SWT1: variants seen among roughly 807,000 people sequenced by gnomAD.
The protein encoded by SWT1 is transcriptional protein SWT1.
SWT1 carries 33 observed loss-of-function variants against 107.3 expected under a neutral mutation model. The observed-to-expected ratio is 0.31, with a 90% CI of 0.23 to 0.41. The LOEUF is 0.41. Among genes scored for constraint, SWT1 ranks in the 10% least tolerant of loss-of-function variants. The pLI is 1.00. For missense variants in SWT1, 898 were observed against 1,028.9 expected (o/e 0.87, Z 1.74); for synonymous variants, 345 against 348.3 (o/e 0.99, Z 0.11).
intron 14 of SWT1, among the ~76,000 whole-genome samples, chr1:185,218,110 A>T (rs1571533041): frequency 6.6e-6 from 1 of 152,270 alleles, no homozygotes; most frequent in East Asian, 1.9e-4. Context: ...ATTAGATTTG[A>T]TATATGTCTT....
chr1:185,172,432 T>C (rs982427197), intron 4 of SWT1, among the ~76,000 whole-genome samples: 1 of 152,246 alleles, frequency 6.6e-6, no homozygotes, highest in Non-Finnish European at 1.5e-5. Flanking sequence ...TTCCGTCATA[T>C]GAATATGTCA....
intron 15 of SWT1, chr1:185,227,647 C>T (rs549142235): frequency 2.0e-5 from 12 of 596,698 alleles, no homozygotes; most frequent in South Asian, 1.6e-4. Context: ...TTCTACATTT[C>T]ACTTGGTATC....
At chr1:185,239,669 A>G (rs1213549157) in intron 16 of SWT1, among the ~76,000 whole-genome samples, 1 of 152,034 alleles carries the variant, frequency 6.6e-6, no homozygotes, top group Non-Finnish European at 1.5e-5. Flanking sequence ...TAGTTTTCTC[A>G]TCTAACCACT....
intron 16 of SWT1, among the ~76,000 whole-genome samples, chr1:185,256,388 T>C (rs1431605426): frequency 6.7e-6 from 1 of 149,906 alleles, no homozygotes; most frequent in East Asian, 2.0e-4. Flanking sequence ...TCCAACTTGG[T>C]TCCATTCTCC....
At chr1:185,159,547 C>T (rs1653958080) in intron 1 of SWT1, among the ~76,000 whole-genome samples, 2 of 152,060 alleles carry the variant, frequency 1.3e-5, no homozygotes, top group Non-Finnish European at 2.9e-5. Context: ...GAAGAATTCA[C>T]TCATTTATTC....
chr1:185,185,331 C>T (rs1299985522), intron 9 of SWT1, among the ~76,000 whole-genome samples: 1 of 152,008 alleles, frequency 6.6e-6, no homozygotes, highest in Non-Finnish European at 1.5e-5. Context: ...TTGTCAGAAT[C>T]GGTAATAATG....
chr1:185,227,216 G>A (rs1400992196), intron 15 of SWT1: 4 of 821,216 alleles, frequency 4.9e-6, no homozygotes, highest in Non-Finnish European at 8.5e-6. Context: ...CCTTCAGGGT[G>A]CTAAAAACTT....
intron 16 of SWT1, among the ~76,000 whole-genome samples, chr1:185,239,606 T>G (rs1661123207): frequency 6.6e-6 from 1 of 152,112 alleles, no homozygotes; most frequent in African/African-American, 2.4e-5. Context: ...ATTGCTTCTC[T>G]CCTCATCTTT....
At chr1:185,246,748 G>A (rs1661641898) in intron 16 of SWT1, among the ~76,000 whole-genome samples, 1 of 150,420 alleles carries the variant, frequency 6.6e-6, no homozygotes, top group African/African-American at 2.4e-5. Flanking sequence ...TCCTGCCTCG[G>A]CCTCCTGAGT....
chr1:185,262,104 A>G (rs935148465), intron 16 of SWT1, among the ~76,000 whole-genome samples: 8 of 152,326 alleles, frequency 5.3e-5, no homozygotes, highest in Non-Finnish European at 1.0e-4. Flanking sequence ...GTGGAAAAAT[A>G]GTAGATACCT....
chr1:185,164,160 T>G (rs192794546), intron 2 of SWT1, among the ~76,000 whole-genome samples: 1 of 151,962 alleles, frequency 6.6e-6, no homozygotes, highest in Non-Finnish European at 1.5e-5. Context: ...AGCAGTAATA[T>G]TTTGAAAGGA....
chr1:185,233,241 C>CA lies in SWT1; in HGVS notation c.2441+1539dup, dbSNP rs74678284. On this transcript the variant is annotated intron_variant, in intron 16 of 18. Coordinates refer to ENST00000367500, the MANE Select transcript of SWT1 (RefSeq NM_017673.7). ...TTTAAAAAAATAGGAATGATCTTTT[C>CA]AAAAAACCAGCTCCTGGATTCATTG... Among the ~76,000 whole-genome samples, 844 of 152,230 alleles carry CA rather than the reference C, an allele frequency of 5.5e-3. 35 individuals are homozygous for CA. The East Asian group carries it at 0.094, about 17-fold the overall frequency.
intron 16 of SWT1, among the ~76,000 whole-genome samples, chr1:185,249,357 G>C (rs1369899938): frequency 2.0e-5 from 3 of 152,102 alleles, no homozygotes; most frequent in Non-Finnish European, 4.4e-5. Flanking sequence ...GTGTTACCCT[G>C]TAAGAAGAAC....
chr1:185,276,403 A>G (rs1047018680), intron 17 of SWT1, among the ~76,000 whole-genome samples: 1 of 152,108 alleles, frequency 6.6e-6, no homozygotes, highest in Admixed American at 6.6e-5. Context: ...ACAGATTAAG[A>G]TATAATAGTG....
At chr1:185,269,877 C>T (rs953571279) in intron 16 of SWT1, among the ~76,000 whole-genome samples, 5 of 152,116 alleles carry the variant, frequency 3.3e-5, no homozygotes, top group Admixed American at 6.5e-5. Context: ...TTCTGATAAA[C>T]TCATCATAAA....
intron 18 of SWT1, among the ~76,000 whole-genome samples, chr1:185,287,026 A>G (rs1196687706): frequency 6.6e-6 from 1 of 152,156 alleles, no homozygotes; most frequent in Non-Finnish European, 1.5e-5. Flanking sequence ...TTTGACGTAC[A>G]CATTGCAAAT....
At chr1:185,225,962 A>G (rs977805344) in intron 15 of SWT1, among the ~76,000 whole-genome samples, 4 of 152,208 alleles carry the variant, frequency 2.6e-5, no homozygotes, top group Admixed American at 1.3e-4. Context: ...TGGCATGAGG[A>G]CTAACAATAA....
At position 185,184,814 on chromosome 1, in the gene SWT1, C is replaced by T. The variant is rs1304404998; in HGVS notation, c.1312C>T (p.Leu438=). Reference sequence around the variant, plus strand: ...GCTAGATCGTATGAAGGAAGGAAAACTACTAAAACGTGCCCAGCACAAAGC... The same window carrying T: ...GCTAGATCGTATGAAGGAAGGAAAATTACTAAAACGTGCCCAGCACAAAGC... ...QELDRMKEGK[L]LKRAQHKAIP... Residue 438 remains leucine (L), a synonymous_variant, in exon 9 of 19, where the codon CTA becomes TTA. Coordinates refer to ENST00000367500, the MANE Select transcript of SWT1 (RefSeq NM_017673.7). The T allele has an allele frequency of 1.9e-6, 3 of 1,605,362 alleles. No individual in the cohort carries two copies. The highest frequency in any genetic ancestry group is 2.5e-6 in the Non-Finnish European group (3 of 1,176,648).
At chr1:185,171,946 TATG>T (rs1437007445) in intron 4 of SWT1, among the ~76,000 whole-genome samples, 1 of 152,210 alleles carries the variant, frequency 6.6e-6, no homozygotes, top group Non-Finnish European at 1.5e-5. Flanking sequence ...TGCATGCATA[TATG>T]ATGAAAACTC....
Sources: gnomAD v4.1 joint callset for allele counts (sites outside exome capture counted in the v4.1 genomes callset) on GRCh38, gnomAD v4.1.1 for gene constraint, MANE v1.5 for transcripts, NCBI Gene and HGNC (gene_info 2026-07-23, HGNC 2026-07-21) for gene names.